CADM2: variants seen among roughly 807,000 people sequenced by gnomAD.
The protein encoded by CADM2 is cell adhesion molecule 2.
In CADM2, 12 loss-of-function variants were observed where a neutral mutation model predicts 49.8. The observed-to-expected ratio is 0.24, with a 90% CI of 0.15 to 0.39. The LOEUF (loss-of-function observed/expected upper bound fraction) is 0.39. Among genes scored for constraint, CADM2 ranks in the 10% least tolerant of loss-of-function variants. CADM2 has a pLI of 1.00. For synonymous variants in CADM2, 214 were observed against 175.4 expected, an observed-to-expected ratio of 1.22 and a Z score of -1.74; for missense variants, 378 against 492.3, an observed-to-expected ratio of 0.77 and a Z score of 2.20.
At chr3:84,983,796 G>A (rs1575970110) in intron 1 of CADM2, among the ~76,000 whole-genome samples, 2 of 151,990 alleles carry the variant, frequency 1.3e-5, no homozygotes, top group Admixed American at 6.6e-5. Flanking sequence ...ATTGCATTAC[G>A]ATTTTTATTT....
At chr3:85,020,145 C>T (rs9865450) in intron 1 of CADM2, among the ~76,000 whole-genome samples, 116 of 151,812 alleles carry the variant, frequency 7.6e-4, no homozygotes, top group African/African-American at 2.4e-3. Flanking sequence ...TTTTATTTGC[C>T]TCTTAATACT....
intron 1 of CADM2, among the ~76,000 whole-genome samples, chr3:85,016,522 G>A (rs958243585): frequency 6.6e-6 from 1 of 152,144 alleles, no homozygotes; most frequent in Non-Finnish European, 1.5e-5. Flanking sequence ...GCTGGGTGTG[G>A]TGGCTCATGC....
chr3:85,599,434 A>G (rs1051608646), intron 1 of CADM2, among the ~76,000 whole-genome samples: 1 of 152,034 alleles, frequency 6.6e-6, no homozygotes, highest in African/African-American at 2.4e-5. Context: ...GCACAAGGTC[A>G]CACAGCTGGT....
At chr3:85,535,616 T>C (rs1306977382) in intron 1 of CADM2, among the ~76,000 whole-genome samples, 2 of 152,142 alleles carry the variant, frequency 1.3e-5, no homozygotes, top group African/African-American at 4.8e-5. Context: ...TTGCCTTTGG[T>C]CATGGGGAAT....
At chr3:85,918,653 C>A (rs1225500143) in intron 6 of CADM2, among the ~76,000 whole-genome samples, 1 of 151,898 alleles carries the variant, frequency 6.6e-6, no homozygotes, top group Non-Finnish European at 1.5e-5. Context: ...AAAGAGAGTT[C>A]TTTTAAAACT....
chr3:85,004,515 C>A (rs577817082), intron 1 of CADM2, among the ~76,000 whole-genome samples: 36 of 152,140 alleles, frequency 2.4e-4, no homozygotes, highest in African/African-American at 8.2e-4. Context: ...TACTGCCATG[C>A]TAGGGATAAA....
chr3:85,419,002 G>C (rs1328021430), intron 1 of CADM2, among the ~76,000 whole-genome samples: 1 of 152,042 alleles, frequency 6.6e-6, no homozygotes, highest in African/African-American at 2.4e-5. Flanking sequence ...GGAACAGAAA[G>C]TTCAAAGAGA....
chr3:85,952,604 TTTAAA>T (rs1723572413), intron 7 of CADM2, among the ~76,000 whole-genome samples: 1 of 150,920 alleles, frequency 6.6e-6, no homozygotes, highest in African/African-American at 2.4e-5. Flanking sequence ...TTGGTTAGTC[TTTAAA>T]TTGTTGTTTT....
At chr3:85,653,579 T>C (rs2065116667) in intron 1 of CADM2, among the ~76,000 whole-genome samples, 1 of 151,866 alleles carries the variant, frequency 6.6e-6, no homozygotes, top group African/African-American at 2.4e-5. Flanking sequence ...ATCAAGAGAT[T>C]TTTACAATTT....
chr3:85,742,228 T>A (rs2068419906), intron 2 of CADM2, among the ~76,000 whole-genome samples: 2 of 152,348 alleles, frequency 1.3e-5, no homozygotes, highest in Non-Finnish European at 2.9e-5. Context: ...GTGGTTCCTA[T>A]GCCAGGTTGC....
At chr3:84,959,790 C>T (rs1018862464) in intron 1 of CADM2, 122 bp downstream of exon 1, 84 of 906,032 alleles carry the variant, frequency 9.3e-5, no homozygotes, top group Admixed American at 2.3e-4. Context: ...CCACCCCCTC[C>T]CCCTACTCTC....
intron 1 of CADM2, among the ~76,000 whole-genome samples, chr3:85,118,438 G>A (rs771348635): frequency 2.6e-5 from 4 of 152,136 alleles, no homozygotes; most frequent in Non-Finnish European, 4.4e-5. Context: ...AGCTGGGGAG[G>A]CCTTACAATT....
At chr3:85,563,992 C>A (rs1021399537) in intron 1 of CADM2, among the ~76,000 whole-genome samples, 5 of 152,028 alleles carry the variant, frequency 3.3e-5, no homozygotes, top group Non-Finnish European at 7.4e-5. Flanking sequence ...TTCCTGAATA[C>A]CTTTAGCAAC....
intron 3 of CADM2, among the ~76,000 whole-genome samples, chr3:85,803,936 T>C (rs1036332380): frequency 6.6e-6 from 1 of 152,190 alleles, no homozygotes; most frequent in African/African-American, 2.4e-5. Flanking sequence ...TAAAATTTAC[T>C]GTCATGGACA....
chr3:85,518,003 T>G (rs1186992728), intron 1 of CADM2, among the ~76,000 whole-genome samples: 1 of 152,130 alleles, frequency 6.6e-6, no homozygotes, highest in Non-Finnish European at 1.5e-5. Flanking sequence ...ACAATTCAGC[T>G]ATGTTTTCTT....
At chr3:85,643,490 C>A (rs373826018) in intron 1 of CADM2, among the ~76,000 whole-genome samples, 7 of 152,080 alleles carry the variant, frequency 4.6e-5, no homozygotes, top group African/African-American at 1.7e-4. Context: ...CAGCTCTAAT[C>A]AAATTGAGAA....
chr3:85,906,954 A>C (rs943229942), intron 5 of CADM2, among the ~76,000 whole-genome samples: 2 of 152,212 alleles, frequency 1.3e-5, no homozygotes, highest in East Asian at 3.9e-4. Context: ...TTAGCCAGAC[A>C]TAGTTACTTT....
Position 85,615,677 on chromosome 3 carries a change from A to G in CADM2, c.62-110845A>G, listed in dbSNP as rs535049695. On this transcript the variant is annotated intron_variant, in intron 1 of 9. Transcript: ENST00000383699. ...TAAGATAATCCTTTAAACTCAGGATAGCATCATGTGAATTGGTATTGCAAA... is the reference window on the plus strand; with the variant it reads ...TAAGATAATCCTTTAAACTCAGGATGGCATCATGTGAATTGGTATTGCAAA... 7.2e-5 allele frequency among the ~76,000 whole-genome samples: 11 copies of G among 151,794 alleles called. 1 individual carries two copies. The East Asian group carries it at 2.0e-3, about 27-fold the overall frequency.
At chr3:85,715,209 T>C (rs2067248105) in intron 1 of CADM2, among the ~76,000 whole-genome samples, 8 of 152,202 alleles carry the variant, frequency 5.3e-5, no homozygotes, top group Admixed American at 5.2e-4. Flanking sequence ...TAGTGGTAGA[T>C]ACCATCCCAC....
Sources: allele counts gnomAD v4.1 joint callset (sites outside exome capture counted in the v4.1 genomes callset), GRCh38; gene constraint gnomAD v4.1.1; transcripts MANE v1.5; gene names NCBI Gene and HGNC (gene_info 2026-07-23, HGNC 2026-07-21).